The following KLHL1 variants were observed in gnomAD, a reference collection of about 807,000 sequenced individuals.
KLHL1 encodes kelch-like protein 1.
Under a neutral mutation model 77.7 loss-of-function variants are expected in KLHL1, and 47 were observed. The ratio of observed to expected loss-of-function variants is 0.60; its 90% confidence interval spans 0.48 to 0.77. The LOEUF is 0.77. Among genes scored for constraint, KLHL1 ranks in the 30% least tolerant of loss-of-function variants. The pLI is 0.00. For synonymous variants in KLHL1, 360 were observed against 325.2 expected, an observed-to-expected ratio of 1.11 and a Z score of -1.15; for missense variants, 925 against 910.8, an observed-to-expected ratio of 1.02 and a Z score of -0.20.
At position 69,822,495 on chromosome 13, in the gene KLHL1, T is replaced by A. The variant is rs544744894; in HGVS notation, c.1414+16481A>T. 9.2e-5 allele frequency among the ~76,000 whole-genome samples: 14 copies of A among 152,300 alleles called. No individual in the cohort carries two copies. The South Asian group carries it at 2.3e-3, about 25-fold the overall frequency. On this transcript the variant is annotated intron_variant, in intron 6 of 10. Transcript: ENST00000377844. ...ATGAGCACCTAAACAAATAATTGTA[T>A]GATACGATTATAATTAGTCAGACTT...
At chr13:69,871,447 C>T (rs1880583950) in intron 5 of KLHL1, among the ~76,000 whole-genome samples, 1 of 152,144 alleles carries the variant, frequency 6.6e-6, no homozygotes, top group Non-Finnish European at 1.5e-5. Flanking sequence ...GCGATTGCTC[C>T]ACAGCATCCT....
At chr13:69,731,765 A>G (rs1291164484) in intron 8 of KLHL1, among the ~76,000 whole-genome samples, 3 of 152,142 alleles carry the variant, frequency 2.0e-5, no homozygotes, top group East Asian at 1.9e-4. Flanking sequence ...TATTGACACT[A>G]AGGAAACTTC....
At chr13:69,851,260 A>G (rs1233342635) in intron 5 of KLHL1, among the ~76,000 whole-genome samples, 2 of 151,802 alleles carry the variant, frequency 1.3e-5, no homozygotes, top group East Asian at 3.9e-4. Flanking sequence ...GGATATATTC[A>G]AACACATGCA....
At chr13:70,077,057 A>C (rs540762366) in intron 1 of KLHL1, among the ~76,000 whole-genome samples, 2 of 152,078 alleles carry the variant, frequency 1.3e-5, no homozygotes, top group East Asian at 3.9e-4. Flanking sequence ...CCTTGGAAGA[A>C]CATTTGGAAG....
At chr13:69,749,426 C>T (rs995395305) in intron 7 of KLHL1, among the ~76,000 whole-genome samples, 7 of 151,770 alleles carry the variant, frequency 4.6e-5, no homozygotes, top group Admixed American at 3.3e-4. Flanking sequence ...TTTATGTTGC[C>T]AAAATGTACT....
At chr13:70,038,113 C>T (rs555115342) in intron 1 of KLHL1, among the ~76,000 whole-genome samples, 54 of 152,268 alleles carry the variant, frequency 3.5e-4, no homozygotes, top group Admixed American at 1.4e-3. Flanking sequence ...TCCATCTTCA[C>T]GTTTAAGCCA....
At chr13:69,886,294 C>A (rs1009111777) in intron 4 of KLHL1, among the ~76,000 whole-genome samples, 2 of 151,934 alleles carry the variant, frequency 1.3e-5, no homozygotes, top group Non-Finnish European at 2.9e-5. Flanking sequence ...TTTACTACGA[C>A]TACTTCATAA....
At chr13:69,723,776 C>T (rs975186153) in intron 8 of KLHL1, among the ~76,000 whole-genome samples, 3 of 152,038 alleles carry the variant, frequency 2.0e-5, no homozygotes, top group Admixed American at 1.3e-4. Flanking sequence ...CTTCACAACC[C>T]CTTATCATAA....
At chr13:70,059,419 C>T (rs753441166) in intron 1 of KLHL1, among the ~76,000 whole-genome samples, 7 of 152,124 alleles carry the variant, frequency 4.6e-5, no homozygotes, top group Non-Finnish European at 5.9e-5. Context: ...ATCCACCTGC[C>T]TTGGCCTCCC....
chr13:70,005,032 T>A (rs1328161708), intron 1 of KLHL1, among the ~76,000 whole-genome samples: 1 of 151,728 alleles, frequency 6.6e-6, no homozygotes, highest in African/African-American at 2.4e-5. Flanking sequence ...TTTTGTAGGA[T>A]TTTATGTTTT....
intron 7 of KLHL1, among the ~76,000 whole-genome samples, chr13:69,771,169 C>T (rs1264237331): frequency 6.6e-6 from 1 of 151,604 alleles, no homozygotes; most frequent in Admixed American, 6.6e-5. Context: ...CTATCTTCAC[C>T]TTAATCTGAG....
chr13:70,008,257 A>G (rs1025996017), intron 1 of KLHL1, among the ~76,000 whole-genome samples: 10 of 152,034 alleles, frequency 6.6e-5, no homozygotes, highest in African/African-American at 2.4e-4. Flanking sequence ...AAAACTGATT[A>G]TTGTTATTCT....
At chr13:69,757,368 A>G (rs905867103) in intron 7 of KLHL1, among the ~76,000 whole-genome samples, 1 of 152,180 alleles carries the variant, frequency 6.6e-6, no homozygotes, top group African/African-American at 2.4e-5. Context: ...AAATATATCA[A>G]GACATATTCA....
At chr13:69,746,436 C>T (rs952100461) in intron 7 of KLHL1, among the ~76,000 whole-genome samples, 3 of 151,988 alleles carry the variant, frequency 2.0e-5, no homozygotes, top group East Asian at 3.9e-4. Context: ...ATTAGCTACA[C>T]TAAGAATTAT....
intron 9 of KLHL1, among the ~76,000 whole-genome samples, chr13:69,716,483 T>G (rs1319214071): frequency 1.3e-5 from 2 of 152,190 alleles, no homozygotes; most frequent in Non-Finnish European, 2.9e-5. Flanking sequence ...AATTTTTCTT[T>G]CTGGTCAAAT....
At position 69,773,863 on chromosome 13, in the gene KLHL1, C is replaced by CTATA. The variant is rs72007331; in HGVS notation, c.1639+22871_1639+22874dup. Among the ~76,000 whole-genome samples, 772 of 146,028 alleles carry CTATA rather than the reference C, an allele frequency of 5.3e-3. 5 individuals carry two copies. Among genetic ancestry groups the CTATA allele is most frequent in the African/African-American group, 0.014 (567 of 39,728 alleles). On this transcript the variant is annotated intron_variant, in intron 7 of 10. Transcript: ENST00000377844. Reference sequence around the variant, plus strand: ...TCTGGCACCCAGAGAAAGTCCTTGGCTATATATATATATATATATACATAG... The same window carrying CTATA: ...TCTGGCACCCAGAGAAAGTCCTTGGCTATATATATATATATATATATATACATAG...
At chr13:69,715,584 G>A (rs935281879) in intron 9 of KLHL1, among the ~76,000 whole-genome samples, 3 of 151,262 alleles carry the variant, frequency 2.0e-5, no homozygotes, top group Non-Finnish European at 4.4e-5. Context: ...GCAGTGGCGC[G>A]ATCTCGGCTC....
chr13:70,096,992 C>T (rs2026684), intron 1 of KLHL1, among the ~76,000 whole-genome samples: 33,419 of 151,726 alleles, frequency 0.22, 3,914 homozygotes, highest in Admixed American at 0.28. Flanking sequence ...GCTCCAAATG[C>T]GGTGTAAAAT....
In KLHL1 at chr13:70,001,614, TCTAC is replaced by T. The variant is rs1188211418; in HGVS notation, c.498-25816_498-25813del. On this transcript the variant is annotated intron_variant, in intron 1 of 10. Coordinates refer to ENST00000377844, the MANE Select transcript of KLHL1 (RefSeq NM_020866.3). Reference sequence around the variant, plus strand: ...ATCTATCTATCTATCTATCTATCTATCTACCTATCATCTTTCTACTGAAACATTG... The same window carrying T: ...ATCTATCTATCTATCTATCTATCTATCTATCATCTTTCTACTGAAACATTG... Among the ~76,000 whole-genome samples the T allele has an allele frequency of 4.7e-5, 7 of 148,422 alleles. No individual in the cohort carries two copies. The Admixed American group carries it at 4.8e-4, about 10-fold the overall frequency.
Sources: gnomAD v4.1 joint callset for allele counts (sites outside exome capture counted in the v4.1 genomes callset) on GRCh38, gnomAD v4.1.1 for gene constraint, MANE v1.5 for transcripts, NCBI Gene and HGNC (gene_info 2026-07-23, HGNC 2026-07-21) for gene names.